The following ENDOD1 variants were observed in gnomAD, a reference collection of about 807,000 sequenced individuals.
ENDOD1 encodes the protein endonuclease domain-containing 1 protein.
ENDOD1 carries 9 observed loss-of-function variants against 6.5 expected under a neutral mutation model. The ratio of observed to expected loss-of-function variants is 1.39; its 90% CI spans 0.84 to 2.43. ENDOD1 has a LOEUF of 2.43. Among genes scored for constraint, ENDOD1 ranks in the 30% most tolerant of loss-of-function variants. ENDOD1 has a pLI of 0.00. For missense variants in ENDOD1, 648 were observed against 635.5 expected, an observed-to-expected ratio of 1.02 and a Z score of -0.21; for synonymous variants, 255 against 255.2, an observed-to-expected ratio of 1.00 and a Z score of 0.01.
intron 1 of ENDOD1, among the ~76,000 whole-genome samples, chr11:95,093,590 A>G (rs1858952171): frequency 6.6e-6 from 1 of 152,250 alleles, no homozygotes; most frequent in African/African-American, 2.4e-5. Context: ...CCCTTGAGGA[A>G]TGATGATTGC....
chr11:95,098,437 G>A (rs1859007220), intron 1 of ENDOD1, among the ~76,000 whole-genome samples: 1 of 152,082 alleles, frequency 6.6e-6, no homozygotes, highest in Non-Finnish European at 1.5e-5. Flanking sequence ...ATTGTATCAT[G>A]GGTATTTGCA....
chr11:95,121,172 T>C (rs1167304114), intron 1 of ENDOD1, among the ~76,000 whole-genome samples: 1 of 152,174 alleles, frequency 6.6e-6, no homozygotes, highest in Non-Finnish European at 1.5e-5. Flanking sequence ...ATGAAGGTAG[T>C]TTTTTGTGTA....
intron 1 of ENDOD1, among the ~76,000 whole-genome samples, chr11:95,111,322 G>T (rs1555111912): frequency 6.6e-6 from 1 of 152,156 alleles, no homozygotes; most frequent in African/African-American, 2.4e-5. Context: ...TTAGGCACCA[G>T]GGACAGGTTT....
Position 95,128,359 on chromosome 11 carries a change from C to T in ENDOD1, c.301-18C>T. On this transcript the variant is annotated intron_variant, in intron 1 of 1. Coordinates refer to ENST00000278505, the MANE Select transcript of ENDOD1 (RefSeq NM_015036.3). ...CTGTAAGCAGGGATGCATCTCACCA[C>T]TTGTTTTCTTCTTGCAGATCGATGA... 6.2e-7 allele frequency: 1 copy of T among 1,602,446 alleles called. No homozygotes were observed. Among genetic ancestry groups the T allele is most frequent in the South Asian group, 1.1e-5 (1 of 88,434 alleles).
At chr11:95,106,292 T>C (rs1859088193) in intron 1 of ENDOD1, among the ~76,000 whole-genome samples, 5 of 152,072 alleles carry the variant, frequency 3.3e-5, no homozygotes, top group Admixed American at 2.0e-4. Flanking sequence ...TTAGGTAGCA[T>C]AGAGGAATGG....
intron 1 of ENDOD1, among the ~76,000 whole-genome samples, chr11:95,114,210 G>A (rs1357269587): frequency 6.6e-6 from 1 of 152,110 alleles, no homozygotes; most frequent in Non-Finnish European, 1.5e-5. Context: ...TCTACCTCCT[G>A]GGCTCAAGTG....
chr11:95,090,356 A>T, intron 1 of ENDOD1, 129 bp downstream of exon 1: 1 of 1,243,566 alleles, frequency 8.0e-7, no homozygotes, highest in Non-Finnish European at 1.0e-6. Context: ...GCCTTGGGCC[A>T]AGAAACCCGG....
chr11:95,104,447 T>TA (rs10716026), intron 1 of ENDOD1, among the ~76,000 whole-genome samples: 15 of 131,106 alleles, frequency 1.1e-4, no homozygotes, highest in South Asian at 7.5e-4. Flanking sequence ...GACCCTGTCT[T>TA]AAAAAAAAAA....
intron 1 of ENDOD1, among the ~76,000 whole-genome samples, chr11:95,112,473 G>C (rs1324341487): frequency 6.6e-6 from 1 of 152,182 alleles, no homozygotes; most frequent in Non-Finnish European, 1.5e-5. Flanking sequence ...CTATCTTGTA[G>C]GGTTATGTGA....
chr11:95,122,623 C>CACACACACAG (rs906564973), intron 1 of ENDOD1, among the ~76,000 whole-genome samples: 1 of 150,880 alleles, frequency 6.6e-6, no homozygotes, highest in African/African-American at 2.4e-5. Flanking sequence ...CACACACACA[C>CACACACACAG]AGACACTTTA....
intron 1 of ENDOD1, among the ~76,000 whole-genome samples, chr11:95,107,177 A>T (rs1240179865): frequency 6.7e-6 from 1 of 149,844 alleles, no homozygotes; most frequent in African/African-American, 2.5e-5. Flanking sequence ...GGTGGAGGGG[A>T]ACTTTTTTTT....
intron 1 of ENDOD1, among the ~76,000 whole-genome samples, chr11:95,115,829 G>T (rs1859203454): frequency 6.6e-6 from 1 of 151,988 alleles, no homozygotes; most frequent in Admixed American, 6.5e-5. Flanking sequence ...TTGCATCCCG[G>T]GAATAAATCC....
chr11:95,122,438 T>TG (rs1313035462), intron 1 of ENDOD1, among the ~76,000 whole-genome samples: 1 of 146 alleles, frequency 6.8e-3, no homozygotes, highest in African/African-American at 0.021. Context: ...TTCACCATGT[T>TG]GGCAGGCTGG....
chr11:95,093,544 A>T (rs1858951690), intron 1 of ENDOD1, among the ~76,000 whole-genome samples: 1 of 152,222 alleles, frequency 6.6e-6, no homozygotes, highest in South Asian at 2.1e-4. Flanking sequence ...GTTGTTTTGT[A>T]ATTATCTGCT....
intron 1 of ENDOD1, among the ~76,000 whole-genome samples, chr11:95,115,518 T>A (rs1214137169): frequency 1.3e-5 from 2 of 152,174 alleles, no homozygotes; most frequent in Non-Finnish European, 2.9e-5. Flanking sequence ...TTGCTCTAGC[T>A]AAAACTTCCT....
intron 1 of ENDOD1, among the ~76,000 whole-genome samples, chr11:95,115,919 A>T (rs1308669203): frequency 6.6e-6 from 1 of 152,156 alleles, no homozygotes; most frequent in Admixed American, 6.5e-5. Context: ...TTTTGCATCA[A>T]TATTCATCAG....
At chr11:95,116,408 A>G (rs574183136) in intron 1 of ENDOD1, among the ~76,000 whole-genome samples, 14 of 152,228 alleles carry the variant, frequency 9.2e-5, no homozygotes, top group Non-Finnish European at 1.9e-4. Context: ...TCTGGCTACT[A>G]AGTCAGTTTT....
chr11:95,103,178 TGTG>T (rs1321984559), intron 1 of ENDOD1, among the ~76,000 whole-genome samples: 1 of 151,800 alleles, frequency 6.6e-6, no homozygotes, highest in African/African-American at 2.4e-5. Context: ...CTACAATAAA[TGTG>T]GTCACAACCA....
At chr11:95,120,054 C>A (rs1478851815) in intron 1 of ENDOD1, among the ~76,000 whole-genome samples, 2 of 152,070 alleles carry the variant, frequency 1.3e-5, no homozygotes, top group Middle Eastern at 3.2e-3. Context: ...CTGGGACTTA[C>A]CTTTGAGGGC....
Sources: gnomAD v4.1 joint callset for allele counts (sites outside exome capture counted in the v4.1 genomes callset) on GRCh38, gnomAD v4.1.1 for gene constraint, MANE v1.5 for transcripts, NCBI Gene and HGNC (gene_info 2026-07-23, HGNC 2026-07-21) for gene names.